The following PID1 variants were observed in gnomAD, a reference collection of about 807,000 sequenced individuals.
PID1 encodes phosphotyrosine interaction domain containing 1.
Under a neutral mutation model 19.1 loss-of-function variants are expected in PID1, and 10 were observed. The observed-to-expected ratio is 0.52, with a 90% CI of 0.32 to 0.89. PID1 has a LOEUF of 0.89. PID1 is among the 40% of genes least tolerant of loss of function. The pLI is 0.03. For synonymous variants in PID1, 130 were observed against 116.0 expected (o/e 1.12, Z -0.78); for missense variants, 248 against 285.3 (o/e 0.87, Z 0.94).
chr2:229,210,653 T>C (rs888669157), intron 1 of PID1, among the ~76,000 whole-genome samples: 1 of 151,824 alleles, frequency 6.6e-6, no homozygotes, highest in African/African-American at 2.4e-5. Context: ...GCTTTTTGTC[T>C]TATAAATTCT....
chr2:229,261,696 A>C (rs1306728629), intron 1 of PID1, among the ~76,000 whole-genome samples: 7 of 152,212 alleles, frequency 4.6e-5, no homozygotes, highest in Non-Finnish European at 1.0e-4. Flanking sequence ...TATTCCTTCT[A>C]GAGAAGAGAA....
intron 1 of PID1, among the ~76,000 whole-genome samples, chr2:229,241,004 A>C (rs1689852320): frequency 6.6e-6 from 1 of 151,882 alleles, no homozygotes; most frequent in African/African-American, 2.4e-5. Context: ...ATATTGCAAA[A>C]TTTTCTATTT....
intron 1 of PID1, among the ~76,000 whole-genome samples, chr2:229,175,275 C>T (rs1690797260): frequency 6.6e-6 from 1 of 152,202 alleles, no homozygotes; most frequent in South Asian, 2.1e-4. Context: ...AAGTCCACTA[C>T]AGATTCTCAT....
chr2:229,232,812 TA>T (rs1692243258), intron 1 of PID1, among the ~76,000 whole-genome samples: 1 of 147,498 alleles, frequency 6.8e-6, no homozygotes. Flanking sequence ...TATATATATA[TA>T]TATATATATA....
At chr2:229,227,784 G>T (rs370367511) in intron 1 of PID1, among the ~76,000 whole-genome samples, 7 of 152,264 alleles carry the variant, frequency 4.6e-5, no homozygotes, top group African/African-American at 1.7e-4. Flanking sequence ...AAAATTGCAC[G>T]TGTACTGAAC....
chr2:229,168,632 T>C (rs1300825371), intron 1 of PID1, among the ~76,000 whole-genome samples: 2 of 152,186 alleles, frequency 1.3e-5, no homozygotes, highest in African/African-American at 4.8e-5. Flanking sequence ...ATATTAAATA[T>C]TAATCATCAT....
chr2:229,061,838 T>C (rs1372940023), intron 2 of PID1, among the ~76,000 whole-genome samples: 1 of 151,970 alleles, frequency 6.6e-6, no homozygotes, highest in Non-Finnish European at 1.5e-5. Context: ...TTAAATTTAC[T>C]TCCGTTTTCT....
intron 1 of PID1, among the ~76,000 whole-genome samples, chr2:229,258,861 C>CAA (rs60923610): frequency 5.8e-4 from 39 of 66,946 alleles, no homozygotes; most frequent in East Asian, 3.3e-3. Flanking sequence ...GACTCCGTCT[C>CAA]AAAAAAAAAA....
At chr2:229,153,013 G>A (rs963552466) in intron 2 of PID1, among the ~76,000 whole-genome samples, 4 of 152,282 alleles carry the variant, frequency 2.6e-5, no homozygotes, top group African/African-American at 7.2e-5. Flanking sequence ...CCGAGAGAGC[G>A]TTCCTTCTGC....
intron 2 of PID1, among the ~76,000 whole-genome samples, chr2:229,078,027 G>A (rs1694595286): frequency 6.6e-6 from 1 of 152,086 alleles, no homozygotes; most frequent in African/African-American, 2.4e-5. Flanking sequence ...GCATGAAGGA[G>A]CATGTGCATG....
At chr2:229,191,896 A>C (rs1691268067) in intron 1 of PID1, among the ~76,000 whole-genome samples, 1 of 152,182 alleles carries the variant, frequency 6.6e-6, no homozygotes, top group Non-Finnish European at 1.5e-5. Context: ...AAACCAAATC[A>C]ATCTAAAATA....
chr2:229,117,017 T>C (rs1421161408), intron 2 of PID1, among the ~76,000 whole-genome samples: 1 of 152,186 alleles, frequency 6.6e-6, no homozygotes, highest in African/African-American at 2.4e-5. Context: ...TTCTCATGTG[T>C]CCTTTCTCTG....
At chr2:229,065,635 T>G (rs946342421) in intron 2 of PID1, among the ~76,000 whole-genome samples, 22 of 148,692 alleles carry the variant, frequency 1.5e-4, no homozygotes, top group African/African-American at 5.3e-4. Flanking sequence ...TTTATTGAGG[T>G]CATTATTTCC....
chr2:229,231,114 A>C (rs1692196629), intron 1 of PID1, among the ~76,000 whole-genome samples: 1 of 152,116 alleles, frequency 6.6e-6, no homozygotes, highest in Non-Finnish European at 1.5e-5. Flanking sequence ...CAGGGCCAGG[A>C]ACAGTGGCCA....
chr2:229,084,684 A>G (rs1016779277), intron 2 of PID1, among the ~76,000 whole-genome samples: 1 of 152,200 alleles, frequency 6.6e-6, no homozygotes, highest in Non-Finnish European at 1.5e-5. Context: ...ATGACCATTA[A>G]AAAAGGGTTC....
At chr2:229,050,434 C>T (rs1050338015) in intron 2 of PID1, among the ~76,000 whole-genome samples, 1 of 152,186 alleles carries the variant, frequency 6.6e-6, no homozygotes, top group African/African-American at 2.4e-5. Flanking sequence ...GAAACAGACG[C>T]TACACATCTG....
chr2:229,068,616 G>C (rs911875185), intron 2 of PID1, among the ~76,000 whole-genome samples: 1 of 152,138 alleles, frequency 6.6e-6, no homozygotes, highest in East Asian at 1.9e-4. Context: ...TAGTTGGAGA[G>C]CCTTCTGACT....
At chr2:229,145,183 AT>A (rs1690104106) in intron 2 of PID1, among the ~76,000 whole-genome samples, 1 of 145,852 alleles carries the variant, frequency 6.9e-6, no homozygotes. Flanking sequence ...ATATATATAT[AT>A]ATATAAACTC....
intron 2 of PID1, among the ~76,000 whole-genome samples, chr2:229,145,839 T>TA (rs914937098): frequency 8.5e-5 from 13 of 152,258 alleles, no homozygotes; most frequent in African/African-American, 2.9e-4. Context: ...AGGTTTTGTG[T>TA]AAAAAAACCT....
Sources: gnomAD v4.1 joint callset for allele counts (sites outside exome capture counted in the v4.1 genomes callset) on GRCh38, gnomAD v4.1.1 for gene constraint, MANE v1.5 for transcripts, NCBI Gene and HGNC (gene_info 2026-07-23, HGNC 2026-07-21) for gene names.